The following SEMA5A variants were observed in gnomAD, a reference collection of about 807,000 sequenced individuals.
The protein encoded by SEMA5A is semaphorin 5A.
Under a neutral mutation model 135.5 loss-of-function variants are expected in SEMA5A, and 55 were observed. The observed-to-expected ratio is 0.41, with a 90% CI of 0.33 to 0.51. The LOEUF (loss-of-function observed/expected upper bound fraction) is 0.51, where lower values mean the gene tolerates loss of function less well. SEMA5A is among the 20% of genes least tolerant of loss of function. The pLI, the probability that SEMA5A is intolerant of heterozygous loss-of-function variation, is 0.37. For missense variants in SEMA5A, 1,290 were observed against 1,419.9 expected (o/e 0.91, Z 1.47); for synonymous variants, 580 against 546.5 (o/e 1.06, Z -0.85).
intron 7 of SEMA5A, among the ~76,000 whole-genome samples, chr5:9,225,786 A>T (rs1034085951): frequency 1.3e-5 from 2 of 151,978 alleles, no homozygotes; most frequent in African/African-American, 4.8e-5. Context: ...CAAATGCTGG[A>T]TTCCCAACCA....
intron 1 of SEMA5A, among the ~76,000 whole-genome samples, chr5:9,535,760 A>C (rs1478378872): frequency 6.6e-6 from 1 of 151,982 alleles, no homozygotes; most frequent in East Asian, 1.9e-4. Context: ...GAAACTCCAG[A>C]TTTTTCCCAC....
At chr5:9,122,355 T>G (rs1197272073) in intron 14 of SEMA5A, among the ~76,000 whole-genome samples, 1 of 152,196 alleles carries the variant, frequency 6.6e-6, no homozygotes, top group Non-Finnish European at 1.5e-5. Context: ...TGTAGATATA[T>G]TCCATGAAAA....
At chr5:9,502,644 G>A (rs1209757390) in intron 1 of SEMA5A, among the ~76,000 whole-genome samples, 1 of 152,158 alleles carries the variant, frequency 6.6e-6, no homozygotes, top group Non-Finnish European at 1.5e-5. Context: ...TTGTCACTTG[G>A]TACTTGGCAG....
Position 9,154,093 on chromosome 5 carries a change from A to ATATATATGTGTGTGTGTG in SEMA5A, c.1481+394_1481+395insCACACACACACATATATA, listed in dbSNP as rs372321939. Among the ~76,000 whole-genome samples, 379 of 73,214 alleles carry ATATATATGTGTGTGTGTG rather than the reference A, an allele frequency of 5.2e-3. 3 individuals carry two copies. Among genetic ancestry groups the ATATATATGTGTGTGTGTG allele is most frequent in the East Asian group, 1.0e-2 (16 of 1,604 alleles). 48.0% of individuals were successfully genotyped at this position (73,214 alleles called of 152,430 possible). A position where few individuals can be genotyped will look rare whatever the true frequency, so the allele number is the denominator to read the frequency against. On this transcript the variant is annotated intron_variant, in intron 12 of 22. Coordinates refer to ENST00000382496, the MANE Select transcript of SEMA5A (RefSeq NM_003966.3). ...TATATATATATATATATATATATAT[A>ATATATATGTGTGTGTGTG]TGTGTGTGTGTGTATGTGTGTGTAT...
rs116720513 is a variant in SEMA5A at position 9,348,436 on chromosome 5, C to T, written c.125-10624G>A. Among the ~76,000 whole-genome samples, 965 of 152,214 alleles carry T rather than the reference C, an allele frequency of 6.3e-3. 8 individuals are homozygous for T. The highest frequency in any genetic ancestry group is 0.022 in the African/African-American group (921 of 41,528). ...CCTCAAATTCCTGGACTGTGATTAA[C>T]TTTGTCCTTCAGGCTATGAAGTTGG... On this transcript the variant is annotated intron_variant, in intron 3 of 22. Coordinates refer to ENST00000382496, the MANE Select transcript of SEMA5A (RefSeq NM_003966.3).
chr5:9,344,234 A>T (rs1753767584), intron 3 of SEMA5A, among the ~76,000 whole-genome samples: 1 of 152,224 alleles, frequency 6.6e-6, no homozygotes, highest in African/African-American at 2.4e-5. Context: ...CATTTTTGTT[A>T]TAAAATTTTT....
chr5:9,093,576 G>T lies in SEMA5A; in HGVS notation c.2073+14564C>A, dbSNP rs138726390. 2.2e-3 allele frequency among the ~76,000 whole-genome samples: 328 copies of T among 152,012 alleles called. 5 individuals are homozygous for T. Among genetic ancestry groups the T allele is most frequent in the African/African-American group, 7.0e-3 (292 of 41,470 alleles). ...ATAAAAGTTAGCTGGGCCTGGTGGC[G>T]CACGCCTGTAGTCCCATCTACTCGG... On this transcript the variant is annotated intron_variant, in intron 16 of 22. Transcript: ENST00000382496.
At position 9,038,794 on chromosome 5, in the gene SEMA5A, T is replaced by A. The variant is rs1385825863; in HGVS notation, c.*4103A>T. 1 of 150,632 alleles carries A rather than the reference T, an allele frequency of 6.6e-6. No individual in the cohort carries two copies. Among genetic ancestry groups the A allele is most frequent in the African/African-American group, 2.4e-5 (1 of 40,830 alleles). 9.3% of individuals were successfully genotyped at this position (150,632 alleles called of 1,614,324 possible). On this transcript the variant is annotated 3_prime_UTR_variant, in exon 23 of 23. Transcript: ENST00000382496. ...CCCAGGATGGAGTGCAGTGATGTGA[T>A]CTCAGCTCACTGCAACCTCAACCTC...
intron 1 of SEMA5A, among the ~76,000 whole-genome samples, chr5:9,495,570 G>C (rs1208651160): frequency 6.6e-6 from 1 of 152,144 alleles, no homozygotes; most frequent in Non-Finnish European, 1.5e-5. Flanking sequence ...ACAAGACTGA[G>C]CCCCACTGTA....
At chr5:9,353,000 G>C (rs1380130105) in intron 3 of SEMA5A, among the ~76,000 whole-genome samples, 2 of 149,456 alleles carry the variant, frequency 1.3e-5, no homozygotes, top group Admixed American at 6.8e-5. Flanking sequence ...AATTAAACAT[G>C]CTAAGCATAG....
chr5:9,066,127 C>T (rs1301415026), intron 17 of SEMA5A, among the ~76,000 whole-genome samples: 1 of 152,192 alleles, frequency 6.6e-6, no homozygotes. Context: ...TTCCCCAGTA[C>T]ATTTTCTGAT....
chr5:9,070,145 C>T lies in SEMA5A; in HGVS notation c.2074-3499G>A, dbSNP rs541081935. The stretch of plus-strand genomic sequence containing the variant: ...CAGCACTTTGGGAAGCCAAGGTGGG[C>T]GGATCACCTGAGGTCAGGAGTTCGA... On this transcript the variant is annotated intron_variant, in intron 16 of 22. Coordinates refer to ENST00000382496, the MANE Select transcript of SEMA5A (RefSeq NM_003966.3). Among the ~76,000 whole-genome samples, 82 of 152,232 alleles carry T rather than the reference C, an allele frequency of 5.4e-4. No individual in the cohort carries two copies. In the East Asian group the frequency reaches 0.012, roughly 22 times the overall value.
At chr5:9,305,626 A>G (rs1363097869) in intron 5 of SEMA5A, among the ~76,000 whole-genome samples, 1 of 151,772 alleles carries the variant, frequency 6.6e-6, no homozygotes, top group Non-Finnish European at 1.5e-5. Flanking sequence ...AAACCCATAT[A>G]AAATATATGC....
intron 10 of SEMA5A, among the ~76,000 whole-genome samples, chr5:9,192,943 C>T (rs1745194412): frequency 6.6e-6 from 1 of 151,036 alleles, no homozygotes; most frequent in South Asian, 2.1e-4. Flanking sequence ...CTTAAGGAAC[C>T]CAGAAAAATT....
intron 13 of SEMA5A, among the ~76,000 whole-genome samples, chr5:9,133,832 T>C (rs1440172646): frequency 6.7e-6 from 1 of 149,404 alleles, no homozygotes; most frequent in African/African-American, 2.5e-5. Flanking sequence ...CAGGCTGGAG[T>C]GCAGTAGTGA....
intron 5 of SEMA5A, among the ~76,000 whole-genome samples, chr5:9,243,007 A>G (rs1748287459): frequency 6.6e-6 from 1 of 152,172 alleles, no homozygotes; most frequent in Admixed American, 6.5e-5. Flanking sequence ...TTAAACTTAC[A>G]TTGATAAGGA....
At position 9,278,895 on chromosome 5, in the gene SEMA5A, T is replaced by C. The variant is rs76953249; in HGVS notation, c.270+39477A>G. ...CCTTGATGTCCAGGCAGAAGTCTGC[T>C]GCAGGGGTGGACCCCTCATGGGGAA... On this transcript the variant is annotated intron_variant, in intron 5 of 22. Transcript: ENST00000382496. Among the ~76,000 whole-genome samples the C allele has an allele frequency of 8.1e-3, 1,235 of 152,360 alleles. 7 individuals are homozygous for C. The highest frequency in any genetic ancestry group is 0.011 in the Non-Finnish European group (759 of 68,022).
At chr5:9,224,644 G>A (rs1264191576) in intron 8 of SEMA5A, 30 bp downstream of exon 8, 13 of 1,598,902 alleles carry the variant, frequency 8.1e-6, no homozygotes, top group Non-Finnish European at 1.1e-5. Context: ...GACAAATGAG[G>A]TGAGAAAGAG....
Position 9,044,506 on chromosome 5 carries a change from G to A in SEMA5A, c.2972C>T (p.Thr991Ile), listed in dbSNP as rs1335851403. 1.2e-6 allele frequency: 2 copies of A among 1,614,060 alleles called. No homozygotes were observed. Among genetic ancestry groups the A allele is most frequent in the Admixed American group, 1.7e-5 (1 of 60,014 alleles). Residue 991 changes from threonine to isoleucine, a missense_variant, in exon 22 of 23, where the codon ACT (threonine) becomes ATT (isoleucine). By Grantham distance (89) the Thr-to-Ile change is moderately conservative (BLOSUM62 -1). Transcript: ENST00000382496. ...TTGCTGCTGGTACCGCTGGCAGTAA[G>A]TATAGACGAGCAGGGTGAGGAGGCA... ...LGCLLTLLVY[T>I]YCQRYQQQSH...
Sources: gnomAD v4.1 joint callset for allele counts (sites outside exome capture counted in the v4.1 genomes callset) on GRCh38, gnomAD v4.1.1 for gene constraint, MANE v1.5 for transcripts, NCBI Gene and HGNC (gene_info 2026-07-23, HGNC 2026-07-21) for gene names.